Variants in DCC observed in about 807,000 individuals in gnomAD.
DCC encodes the protein netrin receptor DCC.
Under a neutral mutation model 172.5 loss-of-function variants are expected in DCC, and 58 were observed. The ratio of observed to expected loss-of-function variants is 0.34; its 90% CI spans 0.27 to 0.42. The LOEUF (loss-of-function observed/expected upper bound fraction) is 0.42. DCC is among the 10% of genes least tolerant of loss of function. The pLI, the probability that DCC is intolerant of heterozygous loss-of-function variation, is 1.00. For missense variants in DCC, 1,740 were observed against 1,791.0 expected (o/e 0.97, Z 0.51); for synonymous variants, 709 against 644.5 (o/e 1.10, Z -1.52).
chr18:52,938,818 T>C (rs373013465), intron 5 of DCC, among the ~76,000 whole-genome samples: 4 of 152,218 alleles, frequency 2.6e-5, no homozygotes, highest in African/African-American at 9.6e-5. Context: ...CTCCAAAATA[T>C]ATTTCAAATC....
intron 5 of DCC, among the ~76,000 whole-genome samples, chr18:52,940,459 A>C (rs2040444151): frequency 6.6e-6 from 1 of 152,176 alleles, no homozygotes; most frequent in South Asian, 2.1e-4. Flanking sequence ...AGCCCAAAGT[A>C]GAACAAAAGT....
chr18:52,806,568 A>G (rs1308180369), intron 2 of DCC, among the ~76,000 whole-genome samples: 1 of 152,232 alleles, frequency 6.6e-6, no homozygotes, highest in Admixed American at 6.5e-5. Context: ...TCAGTCTGTA[A>G]GAGCCAGAAC....
At chr18:53,320,983 C>T (rs2057404755) in intron 13 of DCC, among the ~76,000 whole-genome samples, 2 of 152,120 alleles carry the variant, frequency 1.3e-5, no homozygotes, top group African/African-American at 4.8e-5. Flanking sequence ...CTATTGAAGG[C>T]AACTGTTTGT....
At chr18:52,992,984 TAAAA>T (rs5824983) in intron 5 of DCC, among the ~76,000 whole-genome samples, 1 of 131,118 alleles carries the variant, frequency 7.6e-6, no homozygotes, top group Non-Finnish European at 1.6e-5. Context: ...GTCTCAAATT[TAAAA>T]AAAAAAAAAA....
intron 5 of DCC, among the ~76,000 whole-genome samples, chr18:52,990,812 T>G (rs560528297): frequency 1.7e-4 from 26 of 152,286 alleles, no homozygotes; most frequent in African/African-American, 5.3e-4. Flanking sequence ...GACCACAGTG[T>G]GCCAGATTCA....
chr18:53,385,001 A>G (rs1482846781), intron 15 of DCC, among the ~76,000 whole-genome samples: 1 of 145,680 alleles, frequency 6.9e-6, no homozygotes, highest in South Asian at 2.2e-4. Flanking sequence ...CACCCGCCAC[A>G]GTGCCCGGCT....
chr18:52,793,340 AGCTT>A (rs2037812535), intron 2 of DCC, among the ~76,000 whole-genome samples: 1 of 152,208 alleles, frequency 6.6e-6, no homozygotes, highest in African/African-American at 2.4e-5. Context: ...GCAAGCTCCC[AGCTT>A]GCTTGTCTTT....
chr18:52,758,262 A>G (rs1046046171), intron 2 of DCC, among the ~76,000 whole-genome samples: 2 of 152,172 alleles, frequency 1.3e-5, no homozygotes, highest in Non-Finnish European at 2.9e-5. Flanking sequence ...TAGGAACACA[A>G]TTTGGTAATC....
At chr18:53,224,543 G>A (rs964344954) in intron 12 of DCC, among the ~76,000 whole-genome samples, 3 of 152,132 alleles carry the variant, frequency 2.0e-5, no homozygotes, top group African/African-American at 7.2e-5. Context: ...GGAACGTAGA[G>A]GAAGCAGGAA....
chr18:53,408,330 AC>A (rs1164003602), intron 19 of DCC, among the ~76,000 whole-genome samples: 1 of 152,134 alleles, frequency 6.6e-6, no homozygotes, highest in Non-Finnish European at 1.5e-5. Flanking sequence ...TCAAATGTTC[AC>A]CTGGCTGAGG....
At chr18:53,352,129 G>A (rs1380489523) in intron 15 of DCC, among the ~76,000 whole-genome samples, 1 of 151,802 alleles carries the variant, frequency 6.6e-6, no homozygotes. Context: ...GGAAAAACAA[G>A]GTATTTTAGC....
chr18:52,860,948 G>A (rs1048598681), intron 2 of DCC, among the ~76,000 whole-genome samples: 6 of 150,588 alleles, frequency 4.0e-5, no homozygotes, highest in East Asian at 3.9e-4. Context: ...GGAGGTTGCA[G>A]TGAGCTGGGA....
intron 2 of DCC, among the ~76,000 whole-genome samples, chr18:52,865,618 T>C (rs1478877162): frequency 6.6e-6 from 1 of 152,150 alleles, no homozygotes; most frequent in East Asian, 1.9e-4. Flanking sequence ...GAGCTTTTTT[T>C]TTTTTATGTT....
At chr18:53,346,814 AT>A (rs774441715) in intron 15 of DCC, among the ~76,000 whole-genome samples, 2 of 152,100 alleles carry the variant, frequency 1.3e-5, no homozygotes, top group Non-Finnish European at 2.9e-5. Context: ...TATATTTACC[AT>A]TTTTTTGGTA....
intron 7 of DCC, among the ~76,000 whole-genome samples, chr18:53,096,776 T>A (rs988013169): frequency 6.6e-6 from 1 of 152,096 alleles, no homozygotes; most frequent in Non-Finnish European, 1.5e-5. Context: ...TGTTTAAAAA[T>A]CAGCTTGCAG....
intron 5 of DCC, among the ~76,000 whole-genome samples, chr18:52,993,507 C>T (rs72930014): frequency 1.3e-5 from 2 of 150,440 alleles, no homozygotes; most frequent in East Asian, 4.1e-4. Flanking sequence ...AAATGAGAAA[C>T]TCGGGTTCTA....
chr18:52,706,699 C>T (rs1044338517), intron 1 of DCC, among the ~76,000 whole-genome samples: 2 of 152,160 alleles, frequency 1.3e-5, no homozygotes, highest in African/African-American at 2.4e-5. Context: ...GCACCCACCA[C>T]GACCAAGCAT....
chr18:52,584,996 G>A (rs2033639176), intron 1 of DCC, among the ~76,000 whole-genome samples: 1 of 152,156 alleles, frequency 6.6e-6, no homozygotes. Flanking sequence ...AACTTCATTG[G>A]AGAGTAGGTA....
At chr18:53,527,006 A>G in intron 28 of DCC, 2 of 506,396 alleles carry the variant, frequency 3.9e-6, no homozygotes, top group Non-Finnish European at 7.2e-6. Flanking sequence ...TCTTAGAAAT[A>G]TGACCAGATA....
Sources: allele counts gnomAD v4.1 joint callset (sites outside exome capture counted in the v4.1 genomes callset), GRCh38; gene constraint gnomAD v4.1.1; transcripts MANE v1.5; gene names NCBI Gene and HGNC (gene_info 2026-07-23, HGNC 2026-07-21).